Variants in BAZ2B observed in about 807,000 individuals in gnomAD.
The protein encoded by BAZ2B is bromodomain adjacent to zinc finger domain protein 2B.
Under a neutral mutation model 246.0 loss-of-function variants are expected in BAZ2B, and 91 were observed. The observed-to-expected ratio is 0.37, with a 90% CI of 0.31 to 0.44. The LOEUF is 0.44. BAZ2B is among the 20% of genes least tolerant of loss of function. The probability of loss-of-function intolerance (pLI) is 1.00; values close to 1 mark genes in which losing one functional copy is unlikely to be tolerated. For missense variants in BAZ2B, 2,332 were observed against 2,533.7 expected (o/e 0.92, Z 1.71); for synonymous variants, 855 against 860.0 (o/e 0.99, Z 0.10).
At chr2:159,420,015 C>T (rs2068449689) in intron 13 of BAZ2B, 1 of 152,200 alleles carries the variant, frequency 6.6e-6, no homozygotes, top group African/African-American at 2.4e-5. Flanking sequence ...ACTGTGAAGC[C>T]TCCTCTTACT....
the BAZ2B span, among the ~76,000 whole-genome samples, chr2:159,676,172 C>T: frequency 6.7e-6 from 1 of 150,274 alleles, no homozygotes; most frequent in South Asian, 2.1e-4. Flanking sequence ...GGATTACAGG[C>T]ATGAGCCACC....
intron 2 of BAZ2B, among the ~76,000 whole-genome samples, chr2:159,522,841 A>G (rs539750817): frequency 5.9e-5 from 9 of 152,238 alleles, no homozygotes; most frequent in Non-Finnish European, 1.2e-4. Flanking sequence ...TCTGTGCAAT[A>G]CCAAAAGCCT....
chr2:159,396,902 T>C (rs2064109804), intron 19 of BAZ2B, among the ~76,000 whole-genome samples: 1 of 152,178 alleles, frequency 6.6e-6, no homozygotes, highest in African/African-American at 2.4e-5. Context: ...AGATGCATCA[T>C]ACTTCTTTAT....
chr2:159,367,354 T>C (rs2357174), intron 27 of BAZ2B, among the ~76,000 whole-genome samples: 20,802 of 152,126 alleles, frequency 0.14, 2,146 homozygotes, highest in African/African-American at 0.3. Flanking sequence ...ATAAACATTA[T>C]TGTTATTAGC....
At chr2:159,438,008 A>G in intron 8 of BAZ2B, 1 of 237,178 alleles carries the variant, frequency 4.2e-6, no homozygotes, top group South Asian at 8.3e-5. Flanking sequence ...ACTCAAACAT[A>G]TTTATCCCCT....
rs752518603 is a variant in BAZ2B, at chr2:159,405,133, C to A, written c.2678-19G>T. 1.9e-6 allele frequency: 3 copies of A among 1,609,084 alleles called. No homozygotes were observed. Among genetic ancestry groups the A allele is most frequent in the African/African-American group, 1.3e-5 (1 of 74,708 alleles). On this transcript the variant is annotated intron_variant, in intron 14 of 36. Transcript: ENST00000392783. ...GCTATTTCTGAAAAACACAAAATTT[C>A]AAAGAATATTAACAACTTTGTGTAA...
the BAZ2B span, among the ~76,000 whole-genome samples, chr2:159,623,561 T>C: frequency 6.6e-6 from 1 of 152,160 alleles, no homozygotes; most frequent in African/African-American, 2.4e-5. Context: ...CAAAACAGGC[T>C]GCTAGTGAAT....
At chr2:159,553,392 C>CAAAAAAAAAAAAA (rs35253250) in intron 2 of BAZ2B, among the ~76,000 whole-genome samples, 26 of 73,802 alleles carry the variant, frequency 3.5e-4, no homozygotes, top group Non-Finnish European at 3.9e-4. Context: ...GACTCTGTCT[C>CAAAAAAAAAAAAA]AAAAAAAAAA....
intron 27 of BAZ2B, among the ~76,000 whole-genome samples, chr2:159,360,634 T>C (rs765740501): frequency 3.3e-5 from 5 of 152,134 alleles, no homozygotes; most frequent in African/African-American, 2.4e-5. Flanking sequence ...AAAGGTCCCA[T>C]ATAGCCAAGA....
At position 159,588,677 on chromosome 2, in the gene BAZ2B, C is replaced by A. The variant is rs924656930; in HGVS notation, c.-46+27565G>T. 1.5e-4 allele frequency among the ~76,000 whole-genome samples: 23 copies of A among 152,098 alleles called. 1 individual carries two copies. The highest frequency in any genetic ancestry group is 2.1e-4 in the Non-Finnish European group (14 of 68,024). On this transcript the variant is annotated intron_variant, in intron 1 of 36. Coordinates refer to ENST00000392783, the MANE Select transcript of BAZ2B (RefSeq NM_013450.4). ...GCTCGGTTTAGTCATTATGACAAAC[C>A]AAAACATACAACACATTGAAAATGC...
At chr2:159,505,120 T>C (rs1053739649) in intron 2 of BAZ2B, among the ~76,000 whole-genome samples, 5 of 152,230 alleles carry the variant, frequency 3.3e-5, no homozygotes, top group African/African-American at 1.2e-4. Flanking sequence ...GGTAGTCATA[T>C]ACTTAGAGAA....
chr2:159,623,793 TC>T, the BAZ2B span, among the ~76,000 whole-genome samples: 1 of 152,232 alleles, frequency 6.6e-6, no homozygotes, highest in Admixed American at 6.5e-5. Context: ...AGGAAGTTAT[TC>T]TTTGAAGCAC....
intron 14 of BAZ2B, among the ~76,000 whole-genome samples, chr2:159,408,480 T>TA (rs2066306334): frequency 6.6e-6 from 1 of 152,188 alleles, no homozygotes; most frequent in Non-Finnish European, 1.5e-5. Flanking sequence ...GCCAGTAATT[T>TA]AAAAAAATAT....
In BAZ2B at chr2:159,324,860, T is replaced by G; in HGVS notation, c.6304A>C (p.Lys2102Gln). 6.4e-7 allele frequency: 1 copy of G among 1,553,634 alleles called. No homozygotes were observed. The highest frequency in any genetic ancestry group is 8.6e-7 in the Non-Finnish European group (1 of 1,157,664). The change falls in exon 36 of 37, where the codon AAG becomes CAG. Residue 2102 changes from lysine (K) to glutamine (Q), a missense_variant. Transcript: ENST00000392783. ...KLVPGYKKVI[K>Q]KPMDFSTIRE... The stretch of plus-strand genomic sequence containing the variant: ...ATTGTGGAAAAATCCATAGGCTTCT[T>G]AATAACTTTCTTATAACCAGGAACA...
intron 3 of BAZ2B, 49 bp downstream of exon 3, chr2:159,478,526 A>C (rs1362005234): frequency 6.5e-7 from 1 of 1,536,502 alleles, no homozygotes; most frequent in Non-Finnish European, 8.8e-7. Context: ...TATTATGCAA[A>C]TTATTAAAAG....
At chr2:159,711,005 C>T in the BAZ2B span, 4 of 152,186 alleles carry the variant, frequency 2.6e-5, no homozygotes, top group African/African-American at 9.7e-5. Flanking sequence ...GACGTGTTAT[C>T]TCATCTAAAC....
chr2:159,612,257 A>C (rs553140000), intron 1 of BAZ2B, among the ~76,000 whole-genome samples: 9 of 152,176 alleles, frequency 5.9e-5, no homozygotes, highest in Admixed American at 2.0e-4. Flanking sequence ...CAAAAGTTTA[A>C]AGAAACAGCC....
intron 2 of BAZ2B, among the ~76,000 whole-genome samples, chr2:159,487,110 T>C (rs1163550914): frequency 2.6e-5 from 4 of 152,202 alleles, no homozygotes; most frequent in East Asian, 1.9e-4. Flanking sequence ...TGTTTTACCA[T>C]GTGATTGTAT....
chr2:159,548,207 T>C (rs573654610), intron 2 of BAZ2B, among the ~76,000 whole-genome samples: 19 of 152,312 alleles, frequency 1.2e-4, no homozygotes, highest in South Asian at 4.1e-4. Context: ...CTGTACTACA[T>C]TTTAAAATTT....
Sources: allele counts gnomAD v4.1 joint callset (sites outside exome capture counted in the v4.1 genomes callset), GRCh38; gene constraint gnomAD v4.1.1; transcripts MANE v1.5; gene names NCBI Gene and HGNC (gene_info 2026-07-23, HGNC 2026-07-21).